The following PDZD2 variants were observed in gnomAD, a reference collection of about 807,000 sequenced individuals.
PDZD2 encodes PDZ domain containing 2.
In PDZD2, 90 loss-of-function variants were observed where a neutral mutation model predicts 220.7. That is an observed-to-expected ratio of 0.41 (90% CI 0.34 to 0.49). The LOEUF is 0.49. PDZD2 is among the 20% of genes least tolerant of loss of function. The pLI is 0.28. For synonymous variants in PDZD2, 1,375 were observed against 1,450.5 expected (o/e 0.95, Z 1.18); for missense variants, 3,174 against 3,608.5 (o/e 0.88, Z 3.08).
chr5:32,065,671 G>A (rs751643655), intron 14 of PDZD2, among the ~76,000 whole-genome samples: 15 of 152,224 alleles, frequency 9.9e-5, no homozygotes, highest in Non-Finnish European at 2.2e-4. Flanking sequence ...CTTTTCTTCA[G>A]ATTGTGTTCC....
chr5:31,695,253 G>A (rs927725916), intron 1 of PDZD2, among the ~76,000 whole-genome samples: 5 of 152,180 alleles, frequency 3.3e-5, no homozygotes, highest in South Asian at 2.1e-4. Context: ...TGGTCTGCCC[G>A]TTCCTGGGTG....
chr5:31,789,041 A>G (rs1753547482), intron 1 of PDZD2, among the ~76,000 whole-genome samples: 1 of 152,242 alleles, frequency 6.6e-6, no homozygotes, highest in Non-Finnish European at 1.5e-5. Context: ...ATTCAGCTAT[A>G]ACAGAATATC....
At chr5:31,914,082 G>T (rs954117936) in intron 2 of PDZD2, among the ~76,000 whole-genome samples, 4 of 152,174 alleles carry the variant, frequency 2.6e-5, no homozygotes, top group Non-Finnish European at 4.4e-5. Context: ...AACTTTTCCA[G>T]TGCCATGTGA....
chr5:31,698,476 G>A (rs1266183069), intron 1 of PDZD2, among the ~76,000 whole-genome samples: 2 of 151,158 alleles, frequency 1.3e-5, no homozygotes, highest in African/African-American at 2.4e-5. Flanking sequence ...GCGGGCGCCT[G>A]TAGTCCCAGC....
intron 2 of PDZD2, among the ~76,000 whole-genome samples, chr5:31,867,421 T>G (rs1279693353): frequency 1.3e-5 from 2 of 152,078 alleles, no homozygotes; most frequent in African/African-American, 4.8e-5. Context: ...GTTGTGTGGT[T>G]TTTGGAGCCA....
chr5:31,683,207 TAAAAAAAAAAA>T (rs35467814), intron 1 of PDZD2, among the ~76,000 whole-genome samples: 1 of 129,056 alleles, frequency 7.7e-6, no homozygotes, highest in African/African-American at 2.9e-5. Context: ...ATCAGAATGT[TAAAAAAAAAAA>T]AAAAAAAGAA....
intron 1 of PDZD2, among the ~76,000 whole-genome samples, chr5:31,741,192 T>TGTACAC (rs564721402): frequency 1.9e-4 from 29 of 150,508 alleles, no homozygotes; most frequent in African/African-American, 6.6e-4. Context: ...CAATAGTGTG[T>TGTACAC]ACACACACAC....
At chr5:31,796,365 G>A (rs1035997694) in intron 1 of PDZD2, among the ~76,000 whole-genome samples, 2 of 152,162 alleles carry the variant, frequency 1.3e-5, no homozygotes, top group Non-Finnish European at 2.9e-5. Flanking sequence ...GGGAACCCAG[G>A]GGCGCTCTCT....
At chr5:31,640,747 C>G (rs1424681317) in intron 1 of PDZD2, among the ~76,000 whole-genome samples, 2 of 152,002 alleles carry the variant, frequency 1.3e-5, no homozygotes, top group East Asian at 3.9e-4. Flanking sequence ...TCTCAGAACA[C>G]ACCCCTGGCT....
chr5:31,912,140 C>T (rs767635055), intron 2 of PDZD2, among the ~76,000 whole-genome samples: 7 of 152,116 alleles, frequency 4.6e-5, no homozygotes, highest in Non-Finnish European at 7.4e-5. Flanking sequence ...ATAAATGAGA[C>T]GGCTTATAAG....
At chr5:32,079,529 G>A (rs765987959) in intron 19 of PDZD2, among the ~76,000 whole-genome samples, 5 of 151,896 alleles carry the variant, frequency 3.3e-5, no homozygotes, top group Non-Finnish European at 7.4e-5. Flanking sequence ...AATGTGGGCC[G>A]GGTGCCGTGG....
intron 1 of PDZD2, among the ~76,000 whole-genome samples, chr5:31,699,102 T>C (rs549584890): frequency 4.6e-5 from 7 of 152,256 alleles, no homozygotes; most frequent in Non-Finnish European, 7.4e-5. Flanking sequence ...CCATTAGGGA[T>C]AGGGAGTCTA....
intron 2 of PDZD2, among the ~76,000 whole-genome samples, chr5:31,807,789 G>A (rs1754829139): frequency 6.6e-6 from 1 of 152,168 alleles, no homozygotes; most frequent in Admixed American, 6.5e-5. Context: ...GGGCCAGGAT[G>A]CTGGGCTGGC....
In PDZD2 at chr5:31,833,519, C is replaced by T. The variant is rs577271137; in HGVS notation, c.476+33795C>T. Among the ~76,000 whole-genome samples, 255 of 151,352 alleles carry T rather than the reference C, an allele frequency of 1.7e-3. 1 individual carries two copies. Among genetic ancestry groups the T allele is most frequent in the African/African-American group, 6.0e-3 (249 of 41,302 alleles). ...AAGAATGGCCTTGATCTCCTGAGCT[C>T]GTAATCCGCCCACCTTGGCCTCCCA... On this transcript the variant is annotated intron_variant, in intron 2 of 24. Transcript: ENST00000438447.
chr5:31,840,940 G>A (rs554346160), intron 2 of PDZD2: 2 of 466,146 alleles, frequency 4.3e-6, no homozygotes, highest in Admixed American at 6.2e-5. Flanking sequence ...AACATACTGG[G>A]TGTCTCTCCT....
intron 2 of PDZD2, among the ~76,000 whole-genome samples, chr5:31,927,430 G>A (rs1163876145): frequency 6.6e-6 from 1 of 152,110 alleles, no homozygotes; most frequent in African/African-American, 2.4e-5. Context: ...TGTCACCCAG[G>A]CTGGAGTGCA....
At chr5:31,671,747 C>A (rs1416949321) in intron 1 of PDZD2, among the ~76,000 whole-genome samples, 1 of 152,242 alleles carries the variant, frequency 6.6e-6, no homozygotes, top group Non-Finnish European at 1.5e-5. Flanking sequence ...ACCAGAAAGC[C>A]TGCATGCAGA....
intron 1 of PDZD2, among the ~76,000 whole-genome samples, chr5:31,689,318 CACATAT>C (rs1234650520): frequency 1.5e-4 from 15 of 103,410 alleles, no homozygotes; most frequent in African/African-American, 6.5e-4. Flanking sequence ...CATACATATA[CACATAT>C]ATATACATAT....
chr5:31,835,549 A>G (rs10940970), intron 2 of PDZD2, among the ~76,000 whole-genome samples: 117,970 of 151,424 alleles, frequency 0.78, 47,082 homozygotes, highest in Non-Finnish European at 0.86. Context: ...CCTGGGAAGC[A>G]GAGATTGCAG....
Sources: allele counts gnomAD v4.1 joint callset (sites outside exome capture counted in the v4.1 genomes callset), GRCh38; gene constraint gnomAD v4.1.1; transcripts MANE v1.5; gene names NCBI Gene and HGNC (gene_info 2026-07-23, HGNC 2026-07-21).